Variants in STAC observed in about 807,000 individuals in gnomAD.
The protein encoded by STAC is SH3 and cysteine-rich domain-containing protein.
In STAC, 43 loss-of-function variants were observed where a neutral mutation model predicts 48.8. That is an observed-to-expected ratio of 0.88 (90% CI 0.69 to 1.14). The LOEUF (loss-of-function observed/expected upper bound fraction) is 1.14, where lower values mean the gene tolerates loss of function less well. Among genes scored for constraint, STAC ranks in the 50% most tolerant of loss-of-function variants. STAC has a pLI of 0.00. For missense variants in STAC, 497 were observed against 504.0 expected, an observed-to-expected ratio of 0.99 and a Z score of 0.13; for synonymous variants, 193 against 179.5, an observed-to-expected ratio of 1.07 and a Z score of -0.60.
chr3:36,402,185 T>C (rs776638602), intron 1 of STAC, among the ~76,000 whole-genome samples: 1 of 152,196 alleles, frequency 6.6e-6, no homozygotes, highest in Non-Finnish European at 1.5e-5. Flanking sequence ...TAACTTCTAT[T>C]CCCTACAAAG....
At chr3:36,384,588 T>G (rs1383091068) in intron 1 of STAC, among the ~76,000 whole-genome samples, 2 of 152,204 alleles carry the variant, frequency 1.3e-5, no homozygotes, top group East Asian at 3.8e-4. Flanking sequence ...TAACCACAAC[T>G]GACATTACCA....
At chr3:36,461,663 G>A (rs966339261) in intron 2 of STAC, among the ~76,000 whole-genome samples, 10 of 152,196 alleles carry the variant, frequency 6.6e-5, no homozygotes, top group Non-Finnish European at 1.3e-4. Context: ...GAGGTGGTCA[G>A]AATGAGAGTC....
At chr3:36,510,114 G>A (rs766516215) in intron 8 of STAC, among the ~76,000 whole-genome samples, 2 of 151,624 alleles carry the variant, frequency 1.3e-5, no homozygotes, top group Admixed American at 6.6e-5. Context: ...AAATTTACAA[G>A]AAAAAAACCC....
At chr3:36,415,599 C>T (rs1051894323) in intron 1 of STAC, among the ~76,000 whole-genome samples, 14 of 152,202 alleles carry the variant, frequency 9.2e-5, no homozygotes, top group African/African-American at 2.7e-4. Context: ...TTCGGCTCAC[C>T]GTTGGTGCAC....
rs1357762723 is a variant in STAC, at chr3:36,443,217, C to T, written c.112-147C>T. On this transcript the variant is annotated intron_variant, in intron 1 of 10. Transcript: ENST00000273183. This position sits in a 1 kb window ranked among gnomAD's most constrained non-coding sequence, Gnocchi z 4.2. ...CTCTTTACTAGGCACTGCCATCACCCCACCCACACAGGGACATTTATGAGC... is the reference window on the plus strand; with the variant it reads ...CTCTTTACTAGGCACTGCCATCACCTCACCCACACAGGGACATTTATGAGC... 6 of 928,106 alleles carry T rather than the reference C, an allele frequency of 6.5e-6. No homozygotes were observed. Among genetic ancestry groups the T allele is most frequent in the Non-Finnish European group, 8.0e-6 (5 of 626,684 alleles). 57.5% of individuals were successfully genotyped at this position (928,106 alleles called of 1,614,324 possible).
intron 8 of STAC, among the ~76,000 whole-genome samples, chr3:36,521,931 T>C (rs964332029): frequency 6.6e-6 from 1 of 151,850 alleles, no homozygotes; most frequent in African/African-American, 2.4e-5. Context: ...CTATAAAAAA[T>C]TTTAAAAGTT....
intron 2 of STAC, among the ~76,000 whole-genome samples, chr3:36,457,141 C>A (rs935180287): frequency 6.6e-6 from 1 of 152,144 alleles, no homozygotes. Flanking sequence ...TTGTTCAGTG[C>A]CCCTAACAGT....
At chr3:36,383,839 CA>C (rs1467197474) in intron 1 of STAC, among the ~76,000 whole-genome samples, 1 of 152,052 alleles carries the variant, frequency 6.6e-6, no homozygotes, top group Non-Finnish European at 1.5e-5. Flanking sequence ...AATTGAGGCC[CA>C]AAAAGGGGCA....
intron 2 of STAC, among the ~76,000 whole-genome samples, chr3:36,447,294 T>C (rs1696534003): frequency 6.6e-6 from 1 of 152,118 alleles, no homozygotes; most frequent in Non-Finnish European, 1.5e-5. Flanking sequence ...CTGTGAGTCA[T>C]TGGCTGCCAA....
chr3:36,439,912 G>T (rs1696291138), intron 1 of STAC, among the ~76,000 whole-genome samples: 1 of 152,186 alleles, frequency 6.6e-6, no homozygotes, highest in Admixed American at 6.5e-5. Flanking sequence ...TCAGCAACAA[G>T]CAACTCCACA....
chr3:36,467,020 C>T (rs958636128), intron 2 of STAC, among the ~76,000 whole-genome samples: 3 of 151,802 alleles, frequency 2.0e-5, no homozygotes, highest in Non-Finnish European at 4.4e-5. Context: ...TATGTCCCTT[C>T]TATGCTTACT....
intron 1 of STAC, among the ~76,000 whole-genome samples, chr3:36,382,162 G>GT (rs1478457224): frequency 6.6e-6 from 1 of 152,170 alleles, no homozygotes; most frequent in African/African-American, 2.4e-5. Context: ...AAGTTTCTGG[G>GT]TATCATTGCC....
At chr3:36,446,145 T>C (rs2125669713) in intron 2 of STAC, among the ~76,000 whole-genome samples, 1 of 152,328 alleles carries the variant, frequency 6.6e-6, no homozygotes, top group East Asian at 1.9e-4. Context: ...CTCAGACCTG[T>C]TGTGTTAAGC....
intron 2 of STAC, among the ~76,000 whole-genome samples, chr3:36,471,869 G>A (rs1337907173): frequency 6.6e-6 from 1 of 152,156 alleles, no homozygotes; most frequent in Non-Finnish European, 1.5e-5. Context: ...CAGGCACACG[G>A]TGCAAGCTGT....
Position 36,505,956 on chromosome 3 carries a change from C to A in STAC, c.920+122C>A. 3 of 626,298 alleles carry A rather than the reference C, an allele frequency of 4.8e-6. No individual in the cohort carries two copies. The South Asian group carries it at 6.9e-5, about 14-fold the overall frequency. The allele number at this position is 626,298 out of a possible 1,614,324, so 38.8% of individuals were successfully genotyped here. On this transcript the variant is annotated intron_variant, in intron 8 of 10. Transcript: ENST00000273183. ...TATAGCTGTGATTCTCAAACTTTAG[C>A]ATGTATCTAATGACCTGCAAGGCTG...
intron 10 of STAC, among the ~76,000 whole-genome samples, chr3:36,542,310 C>T (rs533462321): frequency 5.5e-4 from 84 of 152,250 alleles, no homozygotes; most frequent in Admixed American, 1.6e-3. Flanking sequence ...TCGGTGATGA[C>T]TTTAGTGGTT....
At chr3:36,486,903 C>T (rs986738962) in intron 5 of STAC, among the ~76,000 whole-genome samples, 1 of 152,238 alleles carries the variant, frequency 6.6e-6, no homozygotes, top group Non-Finnish European at 1.5e-5. Flanking sequence ...AACTCTGCAG[C>T]CCATGCTGAA....
chr3:36,538,254 G>A (rs1370099931), intron 10 of STAC, among the ~76,000 whole-genome samples: 1 of 152,064 alleles, frequency 6.6e-6, no homozygotes, highest in Non-Finnish European at 1.5e-5. Context: ...ATATATATAT[G>A]GTCTGCGGCT....
intron 1 of STAC, among the ~76,000 whole-genome samples, chr3:36,383,034 A>C (rs1699545714): frequency 6.6e-6 from 1 of 152,200 alleles, no homozygotes; most frequent in Non-Finnish European, 1.5e-5. Flanking sequence ...TTATTATAAG[A>C]GTAACAAATA....
Sources: gnomAD v4.1 joint callset for allele counts (sites outside exome capture counted in the v4.1 genomes callset) on GRCh38, gnomAD v4.1.1 for gene constraint, Gnocchi (gnomAD v3.1) non-coding constraint, MANE v1.5 for transcripts, NCBI Gene and HGNC (gene_info 2026-07-23, HGNC 2026-07-21) for gene names.